The following ZCCHC24 variants were observed in gnomAD, a reference collection of about 807,000 sequenced individuals.
ZCCHC24 encodes zinc finger CCHC domain-containing protein 24.
A neutral mutation model predicts 26.2 loss-of-function variants in ZCCHC24; 10 were observed. The ratio of observed to expected loss-of-function variants is 0.38; its 90% CI spans 0.24 to 0.65. The LOEUF (loss-of-function observed/expected upper bound fraction) is 0.65, where lower values mean the gene tolerates loss of function less well. ZCCHC24 is among the 30% of genes least tolerant of loss of function. The pLI, the probability that ZCCHC24 is intolerant of heterozygous loss-of-function variation, is 0.54. For synonymous variants in ZCCHC24, 144 were observed against 147.1 expected, an observed-to-expected ratio of 0.98 and a Z score of 0.15; for missense variants, 243 against 329.1, an observed-to-expected ratio of 0.74 and a Z score of 2.03.
chr10:79,428,376 A>G (rs1857063284), intron 2 of ZCCHC24, among the ~76,000 whole-genome samples: 1 of 126,516 alleles, frequency 7.9e-6, no homozygotes, highest in Non-Finnish European at 1.7e-5. Flanking sequence ...GAGAATTATT[A>G]TGCAATGGGT....
chr10:79,423,542 C>T lies in ZCCHC24; in HGVS notation c.447+9016G>A, dbSNP rs1171855272. Among the ~76,000 whole-genome samples the T allele has an allele frequency of 8.7e-5, 8 of 91,468 alleles. No individual in the cohort carries two copies. In the Admixed American group the frequency reaches 9.1e-4, roughly 10 times the overall value. The allele number at this position is 91,468 out of a possible 152,430, so 60.0% of individuals were successfully genotyped here. A position where few individuals can be genotyped will look rare whatever the true frequency, so the allele number is the denominator to read the frequency against. ...CTCCAGCCTGGGTGACAGAGTGAGA[C>T]TCCATCTCAAAAAAACAAAAACAAA... On this transcript the variant is annotated intron_variant, in intron 2 of 3. Transcript: ENST00000372336.
At chr10:79,443,477 T>C (rs930617043) in intron 1 of ZCCHC24, among the ~76,000 whole-genome samples, 2 of 152,112 alleles carry the variant, frequency 1.3e-5, no homozygotes, top group African/African-American at 2.4e-5. Flanking sequence ...TCTCCCAGGG[T>C]GAGAAACTCC....
chr10:79,432,757 G>A lies in ZCCHC24; in HGVS notation c.248C>T (p.Ala83Val), dbSNP rs201484944. Reference sequence around the variant, plus strand: ...GCCCTTGTACACACTGTTGCTCAGCGCCTGTGGGAGACAGAGGCACATATA... The same window carrying A: ...GCCCTTGTACACACTGTTGCTCAGCACCTGTGGGAGACAGAGGCACATATA... Reference protein sequence around the residue: ...NSFFQLQRGEALSNSVYKGAS... With the variant: ...NSFFQLQRGEVLSNSVYKGAS... The change falls in exon 2 of 4, where the codon GCG (alanine) becomes GTG (valine). Residue 83 changes from alanine (A) to valine (V), a missense_variant and splice_region_variant. Ala to Val is a moderately conservative substitution (Grantham distance 64). Transcript: ENST00000372336. 59 of 1,607,538 alleles carry A rather than the reference G, an allele frequency of 3.7e-5. No individual in the cohort carries two copies. The highest frequency in any genetic ancestry group is 5.1e-5 in the Admixed American group (3 of 58,392).
chr10:79,391,035 G>T (rs901704005), intron 3 of ZCCHC24, among the ~76,000 whole-genome samples: 2 of 152,176 alleles, frequency 1.3e-5, no homozygotes, highest in Non-Finnish European at 2.9e-5. Context: ...AGAGCCCTGG[G>T]CGGTGGGAGA....
At chr10:79,430,312 C>A (rs1857107901) in intron 2 of ZCCHC24, among the ~76,000 whole-genome samples, 1 of 152,026 alleles carries the variant, frequency 6.6e-6, no homozygotes, top group African/African-American at 2.4e-5. Context: ...AGGACAGAAT[C>A]AAGTTTGGAA....
rs865975675 is a variant in ZCCHC24 at position 79,394,179 on chromosome 10, G to C, written c.612+97C>G. On this transcript the variant is annotated intron_variant, in intron 3 of 3. Transcript: ENST00000372336. ...CAAGGAAAGAAAGGGTCAACTTAGA[G>C]AGATCTCCCTTGTAGGAGGGAGTAA... 4.7e-6 allele frequency: 7 copies of C among 1,477,774 alleles called. No individual in the cohort carries two copies. In the South Asian group the frequency reaches 9.1e-5, roughly 19 times the overall value. The allele number at this position is 1,477,774 out of a possible 1,614,324, so 91.5% of individuals were successfully genotyped here. A position where few individuals can be genotyped will look rare whatever the true frequency, so the allele number is the denominator to read the frequency against.
intron 2 of ZCCHC24, among the ~76,000 whole-genome samples, chr10:79,405,313 C>T (rs1856696783): frequency 2.6e-5 from 4 of 152,252 alleles, no homozygotes. Flanking sequence ...GCACCCTCCA[C>T]ACCTCTCACT....
chr10:79,429,122 A>G (rs1857090785), intron 2 of ZCCHC24, among the ~76,000 whole-genome samples: 1 of 152,252 alleles, frequency 6.6e-6, no homozygotes, highest in Non-Finnish European at 1.5e-5. Context: ...ACTTCCTAAC[A>G]CACTATAACA....
At chr10:79,426,637 A>G (rs1443524968) in intron 2 of ZCCHC24, among the ~76,000 whole-genome samples, 2 of 152,262 alleles carry the variant, frequency 1.3e-5, no homozygotes, top group African/African-American at 4.8e-5. Context: ...GACACAATGT[A>G]TAAGATAAGC....
At position 79,386,727 on chromosome 10, in the gene ZCCHC24, A is replaced by T. The variant is rs190682883; in HGVS notation, c.613-269T>A. On this transcript the variant is annotated intron_variant, in intron 3 of 3. Coordinates refer to ENST00000372336, the MANE Select transcript of ZCCHC24 (RefSeq NM_153367.4). ...GGGCCCTCCTCCTGAGCCCGCATGC[A>T]GGCGTCTGAGTCCTAGGGCACACAG... Among the ~76,000 whole-genome samples, 3 of 152,284 alleles carry T rather than the reference A, an allele frequency of 2.0e-5. No homozygotes were observed. In the East Asian group the frequency reaches 5.8e-4, roughly 29 times the overall value.
intron 2 of ZCCHC24, among the ~76,000 whole-genome samples, chr10:79,407,670 C>T (rs982332442): frequency 1.3e-5 from 2 of 152,156 alleles, no homozygotes; most frequent in African/African-American, 4.8e-5. Flanking sequence ...CCATGCTGTC[C>T]CCATCTGCCC....
At chr10:79,407,598 G>A (rs1032512477) in intron 2 of ZCCHC24, among the ~76,000 whole-genome samples, 2 of 152,174 alleles carry the variant, frequency 1.3e-5, no homozygotes, top group Non-Finnish European at 2.9e-5. Context: ...ACCCACCTAG[G>A]GAGCCACCGC....
rs536341560 is a variant in ZCCHC24, at chr10:79,382,375, T to G, written c.*3970A>C. ...ACAGCATGAAGAGGCTATATTTCTATAGGCGAGCCGTATACAGATTCTCCA... is the reference window on the plus strand; with the variant it reads ...ACAGCATGAAGAGGCTATATTTCTAGAGGCGAGCCGTATACAGATTCTCCA... On this transcript the variant is annotated 3_prime_UTR_variant, in exon 4 of 4. Transcript: ENST00000372336. 1 of 152,800 alleles carries G rather than the reference T, an allele frequency of 6.5e-6. No homozygotes were observed. The highest frequency in any genetic ancestry group is 1.9e-4 in the East Asian group (1 of 5,338). 9.5% of individuals were successfully genotyped at this position (152,800 alleles called of 1,614,324 possible).
At chr10:79,428,603 A>G (rs1202647686) in intron 2 of ZCCHC24, among the ~76,000 whole-genome samples, 2 of 152,208 alleles carry the variant, frequency 1.3e-5, no homozygotes, top group Non-Finnish European at 1.5e-5. Flanking sequence ...TGCCATATGT[A>G]TTTTAAATAT....
chr10:79,414,470 G>A (rs1213401178), intron 2 of ZCCHC24, among the ~76,000 whole-genome samples: 1 of 152,150 alleles, frequency 6.6e-6, no homozygotes, highest in Non-Finnish European at 1.5e-5. Context: ...CCTCCATTGT[G>A]GGAAGCTTCA....
chr10:79,430,482 A>C (rs571400029), intron 2 of ZCCHC24, among the ~76,000 whole-genome samples: 33 of 151,988 alleles, frequency 2.2e-4, no homozygotes, highest in African/African-American at 7.2e-4. Context: ...CACCTCCCCA[A>C]GACTGTAAAA....
Position 79,445,321 on chromosome 10 carries a change from GA to G in ZCCHC24, c.119del (p.Phe40SerfsTer45). 1 of 1,520,136 alleles carries G rather than the reference GA, an allele frequency of 6.6e-7. No homozygotes were observed. Among genetic ancestry groups the G allele is most frequent in the Admixed American group, 2.1e-5 (1 of 47,440 alleles). 94.2% of individuals were successfully genotyped at this position (1,520,136 alleles called of 1,614,324 possible). On this transcript the variant is annotated frameshift_variant, in exon 1 of 4. Coordinates refer to ENST00000372336, the MANE Select transcript of ZCCHC24 (RefSeq NM_153367.4). LOFTEE classifies it high-confidence loss of function. The stretch of plus-strand genomic sequence containing the variant: ...CGGCGCCGGCGGTCGGCTCGGGCCG[GA>G]AGGCATCGAAGGCGCTAGCCTGGTG... ...DTHQASAFDA[F>X]RPEPTAGAAP...
At chr10:79,440,110 G>C (rs551102429) in intron 1 of ZCCHC24, among the ~76,000 whole-genome samples, 1 of 150,054 alleles carries the variant, frequency 6.7e-6, no homozygotes, top group South Asian at 2.1e-4. Context: ...CCACCACCAC[G>C]ACACACACAC....
At chr10:79,400,041 A>C (rs1856609261) in intron 2 of ZCCHC24, among the ~76,000 whole-genome samples, 1 of 152,228 alleles carries the variant, frequency 6.6e-6, no homozygotes, top group Non-Finnish European at 1.5e-5. Context: ...CAGTCCTCCC[A>C]ACCCCTGCAG....
Sources: gnomAD v4.1 joint callset for allele counts (sites outside exome capture counted in the v4.1 genomes callset) on GRCh38, gnomAD v4.1.1 for gene constraint, MANE v1.5 for transcripts, NCBI Gene and HGNC (gene_info 2026-07-23, HGNC 2026-07-21) for gene names.